Variants in PRKG1 observed in about 807,000 individuals in gnomAD.
PRKG1 encodes cGMP-dependent protein kinase 1.
PRKG1 carries 35 observed loss-of-function variants against 88.1 expected under a neutral mutation model. The observed-to-expected ratio is 0.40, with a 90% CI of 0.30 to 0.53. The LOEUF (loss-of-function observed/expected upper bound fraction) is 0.53, where lower values mean the gene tolerates loss of function less well. Ranked by LOEUF, PRKG1 falls within the 20% of genes least tolerant of loss-of-function variation. The pLI is 0.59. For synonymous variants in PRKG1, 303 were observed against 292.5 expected, an observed-to-expected ratio of 1.04 and a Z score of -0.37; for missense variants, 540 against 839.8, an observed-to-expected ratio of 0.64 and a Z score of 4.41.
intron 1 of PRKG1, among the ~76,000 whole-genome samples, chr10:51,090,257 G>A (rs1479774360): frequency 6.6e-6 from 1 of 152,054 alleles, no homozygotes; most frequent in East Asian, 1.9e-4. Flanking sequence ...ATTTTCCATT[G>A]ATAAAGTGCT....
At chr10:51,130,353 G>T (rs1845533481) in intron 1 of PRKG1, among the ~76,000 whole-genome samples, 1 of 152,000 alleles carries the variant, frequency 6.6e-6, no homozygotes, top group Non-Finnish European at 1.5e-5. Context: ...GAGAATCCCT[G>T]CCTAAGTGCC....
At chr10:52,238,504 G>A (rs972349042) in intron 9 of PRKG1, among the ~76,000 whole-genome samples, 1 of 151,938 alleles carries the variant, frequency 6.6e-6, no homozygotes, top group African/African-American at 2.4e-5. Flanking sequence ...TCAAAAAGTG[G>A]GTGAAGGACA....
At chr10:51,972,710 C>T (rs1384228536) in intron 5 of PRKG1, among the ~76,000 whole-genome samples, 2 of 152,160 alleles carry the variant, frequency 1.3e-5, no homozygotes, top group Non-Finnish European at 2.9e-5. Flanking sequence ...CTGTCCCTTA[C>T]TTCTAGTTAC....
At chr10:51,822,262 C>G (rs1392415403) in intron 4 of PRKG1, among the ~76,000 whole-genome samples, 2 of 151,822 alleles carry the variant, frequency 1.3e-5, no homozygotes, top group Non-Finnish European at 2.9e-5. Flanking sequence ...AAAATACTGC[C>G]ATTCGCAACA....
intron 1 of PRKG1, among the ~76,000 whole-genome samples, chr10:51,098,923 C>T (rs1299145099): frequency 6.6e-6 from 1 of 152,138 alleles, no homozygotes; most frequent in Non-Finnish European, 1.5e-5. Context: ...TAGGAGATTC[C>T]ACCCACCCCA....
intron 3 of PRKG1, among the ~76,000 whole-genome samples, chr10:51,676,021 G>A (rs1386962165): frequency 6.6e-6 from 1 of 151,880 alleles, no homozygotes; most frequent in African/African-American, 2.4e-5. Context: ...AGTAATCCTA[G>A]CATTTTGAGA....
At chr10:51,571,448 T>A (rs1837749906) in intron 3 of PRKG1, among the ~76,000 whole-genome samples, 1 of 151,868 alleles carries the variant, frequency 6.6e-6, no homozygotes, top group South Asian at 2.1e-4. Context: ...GAAAGTGATA[T>A]GAAAATTGCT....
chr10:51,312,011 A>G (rs952934070), intron 2 of PRKG1, among the ~76,000 whole-genome samples: 3 of 152,138 alleles, frequency 2.0e-5, no homozygotes, highest in Non-Finnish European at 4.4e-5. Context: ...AGCTGGGATT[A>G]CAGGCATGTG....
rs189341054 is a variant in PRKG1, at chr10:51,403,679, C to T, written c.479-64044C>T. Reference sequence around the variant, plus strand: ...ATCCTTTTATTTAACTGCTGTCAAACTCTTTCCCAAGACAGAGCTCCCCAC... The same window carrying T: ...ATCCTTTTATTTAACTGCTGTCAAATTCTTTCCCAAGACAGAGCTCCCCAC... On this transcript the variant is annotated intron_variant, in intron 2 of 17. Transcript: ENST00000373980. Among the ~76,000 whole-genome samples the T allele has an allele frequency of 8.6e-3, 1,302 of 152,280 alleles. 16 individuals are homozygous for T. The highest frequency in any genetic ancestry group is 0.02 in the Middle Eastern group (6 of 294).
chr10:52,164,363 A>C (rs2132693728), intron 9 of PRKG1, among the ~76,000 whole-genome samples: 1 of 143,954 alleles, frequency 6.9e-6, no homozygotes. Flanking sequence ...AAAATAAGTA[A>C]GTAAATAAAT....
chr10:51,642,327 T>C (rs955234889), intron 3 of PRKG1, among the ~76,000 whole-genome samples: 1 of 152,054 alleles, frequency 6.6e-6, no homozygotes, highest in African/African-American at 2.4e-5. Context: ...GAGATGGAGG[T>C]TGCAGTGAGC....
chr10:52,024,330 TC>T (rs1244908456), intron 5 of PRKG1, among the ~76,000 whole-genome samples: 15 of 149,040 alleles, frequency 1.0e-4, no homozygotes, highest in Non-Finnish European at 1.9e-4. Context: ...TTTTTTTTAT[TC>T]TTTTTTTTAT....
intron 2 of PRKG1, among the ~76,000 whole-genome samples, chr10:51,278,790 A>G (rs1286399194): frequency 2.0e-5 from 3 of 152,046 alleles, no homozygotes; most frequent in African/African-American, 7.2e-5. Context: ...CTGTGGGATC[A>G]GTGGTGATAT....
chr10:51,399,667 G>A lies in PRKG1; in HGVS notation c.479-68056G>A, dbSNP rs549370414. Among the ~76,000 whole-genome samples the A allele has an allele frequency of 2.6e-5, 4 of 152,290 alleles. No homozygotes were observed. In the East Asian group the frequency reaches 5.8e-4, roughly 22 times the overall value. ...CTTAGTAGGTAGGCATGACCCCTGTGACCTAGATTTGAACAACCTGAGGCA... is the reference window on the plus strand; with the variant it reads ...CTTAGTAGGTAGGCATGACCCCTGTAACCTAGATTTGAACAACCTGAGGCA... On this transcript the variant is annotated intron_variant, in intron 2 of 17. Transcript: ENST00000373980.
intron 3 of PRKG1, among the ~76,000 whole-genome samples, chr10:51,753,461 T>G (rs1264282949): frequency 6.6e-6 from 1 of 152,138 alleles, no homozygotes; most frequent in Admixed American, 6.5e-5. Flanking sequence ...ATGAAGACAC[T>G]CGGTCGGTAC....
intron 1 of PRKG1, among the ~76,000 whole-genome samples, chr10:51,077,281 C>T (rs1239890458): frequency 3.3e-5 from 5 of 152,186 alleles, no homozygotes; most frequent in African/African-American, 7.2e-5. Context: ...TGTATTTCAT[C>T]TTTACTACAT....
At chr10:51,069,735 G>A (rs1046460504), upstream of PRKG1, among the ~76,000 whole-genome samples, 1 of 152,040 alleles carries the variant, frequency 6.6e-6, no homozygotes, top group Non-Finnish European at 1.5e-5. Context: ...AATGTGGAAA[G>A]CAAAATTTGA....
intron 6 of PRKG1, among the ~76,000 whole-genome samples, chr10:52,060,035 C>T: frequency 6.6e-6 from 1 of 151,510 alleles, no homozygotes; most frequent in East Asian, 1.9e-4. Flanking sequence ...ATATCAAGAC[C>T]TATTATAAGG....
At chr10:51,017,019 A>G (rs572830893) in intron 1 of PRKG1, among the ~76,000 whole-genome samples, 1 of 151,538 alleles carries the variant, frequency 6.6e-6, no homozygotes, top group South Asian at 2.1e-4. Flanking sequence ...TAATCCAGTG[A>G]CTTGCTCAAG....
Sources: gnomAD v4.1 joint callset for allele counts (sites outside exome capture counted in the v4.1 genomes callset) on GRCh38, gnomAD v4.1.1 for gene constraint, MANE v1.5 for transcripts, NCBI Gene and HGNC (gene_info 2026-07-23, HGNC 2026-07-21) for gene names.